The following ZNF385D variants were observed in gnomAD, a reference collection of about 807,000 sequenced individuals.
The protein encoded by ZNF385D is zinc finger protein 385D, also known as zinc finger protein 659.
In ZNF385D, 15 loss-of-function variants were observed where a neutral mutation model predicts 35.8. The observed-to-expected ratio is 0.42, with a 90% CI of 0.28 to 0.64. The LOEUF is 0.64. ZNF385D is among the 30% of genes least tolerant of loss of function. The probability of loss-of-function intolerance (pLI) is 0.23; values close to 1 mark genes in which losing one functional copy is unlikely to be tolerated. For missense variants in ZNF385D, 474 were observed against 494.6 expected, an observed-to-expected ratio of 0.96 and a Z score of 0.39; for synonymous variants, 212 against 186.8, an observed-to-expected ratio of 1.13 and a Z score of -1.10.
chr3:21,630,817 G>A (rs144866912), intron 2 of ZNF385D, among the ~76,000 whole-genome samples: 167 of 152,182 alleles, frequency 1.1e-3, no homozygotes, highest in Non-Finnish European at 2.0e-3. Flanking sequence ...TAATCACCAT[G>A]TCAGGGGTTT....
At chr3:21,966,213 G>A (rs1559799000) in intron 3 of ZNF385D, among the ~76,000 whole-genome samples, 1 of 152,188 alleles carries the variant, frequency 6.6e-6, no homozygotes, top group African/African-American at 2.4e-5. Context: ...ACTTTAGGTA[G>A]AATGATGTTA....
At chr3:22,005,669 C>T (rs530633515) in intron 3 of ZNF385D, among the ~76,000 whole-genome samples, 1 of 152,152 alleles carries the variant, frequency 6.6e-6, no homozygotes, top group South Asian at 2.1e-4. Flanking sequence ...TATATTCTCA[C>T]ACCTCATTAT....
intron 3 of ZNF385D, among the ~76,000 whole-genome samples, chr3:21,844,829 G>C (rs941170017): frequency 1.3e-5 from 2 of 151,834 alleles, no homozygotes; most frequent in Admixed American, 1.3e-4. Context: ...TTTCAGAGTT[G>C]CCTTGTTCAA....
rs78319284 is a variant in ZNF385D, at chr3:21,462,058, G to A, written c.440-24855C>T. ...TTTGGTCACTTATAATATTTTCATC[G>A]CTGAAGTTTGACAGTTTGGCACATC... is the stretch of plus-strand genomic sequence containing the variant. On this transcript the variant is annotated intron_variant, in intron 4 of 7. Coordinates refer to ENST00000281523, the MANE Select transcript of ZNF385D (RefSeq NM_024697.3). Among the ~76,000 whole-genome samples the A allele has an allele frequency of 1.8e-3, 273 of 152,092 alleles. 10 individuals are homozygous for A. The East Asian group carries it at 0.045, about 25-fold the overall frequency.
chr3:21,798,302 ACTG>A (rs2072244295), intron 3 of ZNF385D, among the ~76,000 whole-genome samples: 1 of 152,212 alleles, frequency 6.6e-6, no homozygotes, highest in Non-Finnish European at 1.5e-5. Context: ...GTCAGCTAGA[ACTG>A]CTCTCTCCTG....
chr3:21,911,755 A>G (rs904847029), intron 3 of ZNF385D, among the ~76,000 whole-genome samples: 1 of 151,982 alleles, frequency 6.6e-6, no homozygotes, highest in South Asian at 2.1e-4. Flanking sequence ...GAGAGATATT[A>G]GGGATTTTAC....
At chr3:22,079,836 T>A (rs1700657574) in intron 3 of ZNF385D, among the ~76,000 whole-genome samples, 1 of 151,992 alleles carries the variant, frequency 6.6e-6, no homozygotes, top group Admixed American at 6.6e-5. Context: ...ATGAAATGCA[T>A]ACTGATGACT....
chr3:21,708,719 G>A (rs1472720754), intron 1 of ZNF385D, among the ~76,000 whole-genome samples: 1 of 151,640 alleles, frequency 6.6e-6, no homozygotes, highest in Admixed American at 6.6e-5. Context: ...TTTTTATTTT[G>A]TCATCAACTT....
intron 3 of ZNF385D, among the ~76,000 whole-genome samples, chr3:22,112,442 C>T (rs1047528918): frequency 2.2e-4 from 34 of 152,114 alleles, no homozygotes; most frequent in African/African-American, 7.5e-4. Context: ...AGAATGACAG[C>T]GGTGGGTGAC....
chr3:22,199,968 GATTT>G (rs1356235312), intron 2 of ZNF385D, among the ~76,000 whole-genome samples: 1 of 151,870 alleles, frequency 6.6e-6, no homozygotes, highest in South Asian at 2.1e-4. Context: ...TTACCTGCTG[GATTT>G]ATTTAATCAT....
chr3:22,131,156 G>C (rs914774598), intron 3 of ZNF385D, among the ~76,000 whole-genome samples: 6 of 152,126 alleles, frequency 3.9e-5, no homozygotes, highest in African/African-American at 1.4e-4. Flanking sequence ...CAAGAACTAA[G>C]CCCTGCAGCA....
intron 2 of ZNF385D, among the ~76,000 whole-genome samples, chr3:22,184,744 T>A (rs73048973): frequency 0.018 from 2,762 of 152,184 alleles, 41 homozygotes; most frequent in Non-Finnish European, 0.029. Flanking sequence ...GGAAAATCGC[T>A]TAAACTGGGA....
intron 3 of ZNF385D, among the ~76,000 whole-genome samples, chr3:22,139,392 T>C (rs1267864575): frequency 1.3e-5 from 2 of 152,042 alleles, no homozygotes; most frequent in East Asian, 3.9e-4. Context: ...TAGACTGGAT[T>C]AAGAAAATGT....
intron 3 of ZNF385D, among the ~76,000 whole-genome samples, chr3:21,887,658 G>A (rs1698618294): frequency 2.0e-5 from 3 of 152,040 alleles, no homozygotes; most frequent in Non-Finnish European, 2.9e-5. Context: ...GAGTAACAAA[G>A]ATGCTACATA....
intron 2 of ZNF385D, among the ~76,000 whole-genome samples, chr3:21,649,078 G>A (rs1024107238): frequency 2.0e-5 from 3 of 151,992 alleles, no homozygotes; most frequent in Non-Finnish European, 4.4e-5. Flanking sequence ...CTCAATATGT[G>A]GTCTGTGGAC....
intron 2 of ZNF385D, among the ~76,000 whole-genome samples, chr3:22,332,805 T>C (rs1373495844): frequency 6.6e-6 from 1 of 152,106 alleles, no homozygotes; most frequent in African/African-American, 2.4e-5. Flanking sequence ...GCTATGTTTC[T>C]GGAAATAAAC....
chr3:22,226,725 C>T (rs1698579351), intron 2 of ZNF385D, among the ~76,000 whole-genome samples: 2 of 152,134 alleles, frequency 1.3e-5, no homozygotes, highest in African/African-American at 2.4e-5. Flanking sequence ...AGGTACTCAT[C>T]AGTCATGTCT....
At chr3:21,441,435 C>T (rs1701854040) in intron 4 of ZNF385D, among the ~76,000 whole-genome samples, 1 of 152,130 alleles carries the variant, frequency 6.6e-6, no homozygotes, top group Non-Finnish European at 1.5e-5. Context: ...CACAGTCTGG[C>T]TCAGTTGCAT....
At chr3:22,212,316 A>T (rs1259617703) in intron 2 of ZNF385D, among the ~76,000 whole-genome samples, 1 of 152,018 alleles carries the variant, frequency 6.6e-6, no homozygotes, top group Non-Finnish European at 1.5e-5. Flanking sequence ...AAAACAACAG[A>T]GTCTCTGTGC....
Sources: allele counts gnomAD v4.1 joint callset (sites outside exome capture counted in the v4.1 genomes callset), GRCh38; gene constraint gnomAD v4.1.1; transcripts MANE v1.5; gene names NCBI Gene and HGNC (gene_info 2026-07-23, HGNC 2026-07-21).